Variants in SLC7A6OS observed in about 807,000 individuals in gnomAD.
The protein encoded by SLC7A6OS is probable RNA polymerase II nuclear localization protein SLC7A6OS.
A neutral mutation model predicts 34.3 loss-of-function variants in SLC7A6OS; 22 were observed. The observed-to-expected ratio is 0.64, with a 90% CI of 0.46 to 0.92. The LOEUF is 0.92. Ranked by LOEUF, SLC7A6OS falls within the 40% of genes least tolerant of loss-of-function variation. SLC7A6OS has a pLI of 0.00. For missense variants in SLC7A6OS, 434 were observed against 407.7 expected, an observed-to-expected ratio of 1.06 and a Z score of -0.56; for synonymous variants, 199 against 165.0, an observed-to-expected ratio of 1.21 and a Z score of -1.58.
rs757744796 is a variant in SLC7A6OS at position 68,310,324 on chromosome 16, G to A, written c.471+11C>T. On this transcript the variant is annotated intron_variant, in intron 2 of 4. Coordinates refer to ENST00000263997, the MANE Select transcript of SLC7A6OS (RefSeq NM_032178.3). ...GAGAAGCCCAGCGACCACCTTCAGG[G>A]GCATACTCACTTTGCAGGAGCCTGC... The A allele has an allele frequency of 1.3e-6, 2 of 1,586,582 alleles. No homozygotes were observed. Among genetic ancestry groups the A allele is most frequent in the Non-Finnish European group, 1.7e-6 (2 of 1,162,550 alleles).
At chr16:68,308,393 C>A (rs1004046054) in intron 2 of SLC7A6OS, among the ~76,000 whole-genome samples, 1 of 146,582 alleles carries the variant, frequency 6.8e-6, no homozygotes, top group African/African-American at 2.5e-5. Context: ...TTTGGGAGGC[C>A]GATGCGGGTG....
rs2043264273 is a variant in SLC7A6OS at position 68,301,110 on chromosome 16, A to G, written c.*165T>C. ...TAAGTGGAAAAGACTCACTCCCCTA[A>G]CATAAGTTTTCACTGTGGTGGGATG... On this transcript the variant is annotated 3_prime_UTR_variant, in exon 5 of 5. Transcript: ENST00000263997. 1.5e-6 allele frequency: 2 copies of G among 1,354,442 alleles called. No homozygotes were observed. The highest frequency in any genetic ancestry group is 1.9e-6 in the Non-Finnish European group (2 of 1,050,210). The allele number at this position is 1,354,442 out of a possible 1,614,324, so 83.9% of individuals were successfully genotyped here.
In SLC7A6OS at chr16:68,298,633, TGGA is replaced by T. The variant is rs1189404611; in HGVS notation, c.*2639_*2641del. ...TGTGGGGACTTCTGTTTTCTCCCTG[TGGA>T]GATCAGTGAAGACTGGGAGGAAAGC... is the stretch of plus-strand genomic sequence containing the variant. On this transcript the variant is annotated 3_prime_UTR_variant, in exon 5 of 5. Coordinates refer to ENST00000263997, the MANE Select transcript of SLC7A6OS (RefSeq NM_032178.3). The T allele has an allele frequency of 6.6e-6, 1 of 152,178 alleles. No homozygotes were observed. Among genetic ancestry groups the T allele is most frequent in the African/African-American group, 2.4e-5 (1 of 41,406 alleles). The allele number at this position is 152,178 out of a possible 1,614,324, so 9.4% of individuals were successfully genotyped here.
Position 68,299,988 on chromosome 16 carries a change from T to C in SLC7A6OS, c.*1287A>G, listed in dbSNP as rs960735798. 1 of 152,144 alleles carries C rather than the reference T, an allele frequency of 6.6e-6. No individual in the cohort carries two copies. The highest frequency in any genetic ancestry group is 2.4e-5 in the African/African-American group (1 of 41,398). 9.4% of individuals were successfully genotyped at this position (152,144 alleles called of 1,614,324 possible). A position where few individuals can be genotyped will look rare whatever the true frequency, so the allele number is the denominator to read the frequency against. On this transcript the variant is annotated 3_prime_UTR_variant, in exon 5 of 5. Coordinates refer to ENST00000263997, the MANE Select transcript of SLC7A6OS (RefSeq NM_032178.3). Reference sequence around the variant, plus strand: ...GCAGGTAGGATGAAGGAGAGATACTTAGGAAATCCTAAAAGAGGCGGCAAG... The same window carrying C: ...GCAGGTAGGATGAAGGAGAGATACTCAGGAAATCCTAAAAGAGGCGGCAAG...
intron 3 of SLC7A6OS, 112 bp downstream of exon 3, chr16:68,303,913 GA>G: frequency 1.0e-6 from 1 of 956,090 alleles, no homozygotes; most frequent in South Asian, 1.6e-5. Context: ...TTTTCAGGAG[GA>G]AAAGAACTAA....
intron 4 of SLC7A6OS, chr16:68,302,023 TG>T (rs2043284876): frequency 4.9e-6 from 1 of 202,116 alleles, no homozygotes; most frequent in African/African-American, 2.3e-5. Context: ...GTTTCTTGAC[TG>T]GGGCAGGGGA....
In SLC7A6OS at chr16:68,301,423, G is replaced by A. The variant is rs771854958; in HGVS notation, c.800-18C>T. 1 of 1,608,750 alleles carries A rather than the reference G, an allele frequency of 6.2e-7. No individual in the cohort carries two copies. The highest frequency in any genetic ancestry group is 1.7e-5 in the Admixed American group (1 of 59,684). ...AGCAGAGCCTAGAATGACATCCCGG[G>A]AGTGGATTCTAAATGTGATTTTCCT... On this transcript the variant is annotated intron_variant, in intron 4 of 4. Transcript: ENST00000263997.
At position 68,310,827 on chromosome 16, in the gene SLC7A6OS, C is replaced by T; in HGVS notation, c.100G>A (p.Ala34Thr). The T allele has an allele frequency of 1.9e-6, 3 of 1,613,722 alleles. No individual in the cohort carries two copies. The highest frequency in any genetic ancestry group is 2.5e-6 in the Non-Finnish European group (3 of 1,179,950). The change falls in exon 1 of 5, where the codon GCG (alanine) becomes ACG (threonine). Residue 34 changes from alanine to threonine, a missense_variant. By Grantham distance (58) the Ala-to-Thr change is moderately conservative (BLOSUM62 0). Transcript: ENST00000263997. Reference protein sequence around the residue: ...VLACKRLRSDAVESAAQKTSE... With the variant: ...VLACKRLRSDTVESAAQKTSE... Reference sequence around the variant, plus strand: ...GTCTTCTGTGCCGCTGACTCGACCGCGTCGCTCCGGAGGCGTTTACAAGCG... The same window carrying T: ...GTCTTCTGTGCCGCTGACTCGACCGTGTCGCTCCGGAGGCGTTTACAAGCG...
rs1044833319 is a variant in SLC7A6OS, at chr16:68,298,681, C to T, written c.*2594G>A. The T allele has an allele frequency of 6.6e-6, 1 of 152,320 alleles. No homozygotes were observed. Among genetic ancestry groups the T allele is most frequent in the Non-Finnish European group, 1.5e-5 (1 of 68,112 alleles). The allele number at this position is 152,320 out of a possible 1,614,324, so 9.4% of individuals were successfully genotyped here. ...GAAAGCTGCTTCAACCTGAGTCCGG[C>T]TCTTCAGCAGGCTGCACAAGTGGAA... On this transcript the variant is annotated 3_prime_UTR_variant, in exon 5 of 5. Transcript: ENST00000263997.
chr16:68,304,370 G>A, intron 2 of SLC7A6OS, 138 bp from the exon 3 acceptor site: 3 of 724,812 alleles, frequency 4.1e-6, no homozygotes, highest in South Asian at 3.4e-5. Flanking sequence ...GCCCAGGCTG[G>A]AGTGCAGTGG....
Position 68,310,871 on chromosome 16 carries a change from G to T in SLC7A6OS, c.56C>A (p.Pro19Gln). Residue 19 changes from proline (P) to glutamine (Q), a missense_variant, in exon 1 of 5, where the codon CCG becomes CAG. Physicochemically the swap from Pro to Gln is moderately conservative, Grantham distance 76. Transcript: ENST00000263997. The part of the protein sequence containing the change: ...LRVKRKRSAE[P>Q]AEALVLACKR... ...ACAAGCGAGCACAAGAGCCTCCGCC[G>T]GCTCCGCACTGCGCTTCCGCTTCAC... is the stretch of plus-strand genomic sequence containing the variant. 1 of 1,609,934 alleles carries T rather than the reference G, an allele frequency of 6.2e-7. No homozygotes were observed. The highest frequency in any genetic ancestry group is 8.5e-7 in the Non-Finnish European group (1 of 1,178,934).
rs1338576033 is a variant in SLC7A6OS at position 68,301,301 on chromosome 16, T to C, written c.904A>G (p.Ser302Gly). Reference protein sequence around the residue: ...LDVQKEFGYDSPHDLDSD With the variant: ...LDVQKEFGYDGPHDLDSD ...CAGTCTGAATCCAGGTCGTGGGGGCTGTCATAGCCGAACTCCTTCTGCACA... is the reference window on the plus strand; with the variant it reads ...CAGTCTGAATCCAGGTCGTGGGGGCCGTCATAGCCGAACTCCTTCTGCACA... Residue 302 changes from serine (S) to glycine (G), a missense_variant, in exon 5 of 5, where the codon AGC (serine) becomes GGC (glycine). Transcript: ENST00000263997. 28 of 1,614,110 alleles carry C rather than the reference T, an allele frequency of 1.7e-5. 1 individual carries two copies. In the Middle Eastern group the frequency reaches 1.2e-3, roughly 67 times the overall value.
At chr16:68,301,754 AAAG>A (rs1463530253) in intron 4 of SLC7A6OS, 1 of 168,990 alleles carries the variant, frequency 5.9e-6, no homozygotes, top group Non-Finnish European at 1.2e-5. Flanking sequence ...AACCTCCCCA[AAAG>A]AATATGCAAT....
At chr16:68,304,372 G>A (rs897523692) in intron 2 of SLC7A6OS, 140 bp from the exon 3 acceptor site, 14 of 704,692 alleles carry the variant, frequency 2.0e-5, no homozygotes, top group Non-Finnish European at 9.6e-6. Context: ...CCAGGCTGGA[G>A]TGCAGTGGCG....
rs749460433 is a variant in SLC7A6OS, at chr16:68,310,343, A to G, written c.463T>C (p.Ser155Pro). ...TTCAGGGGCATACTCACTTTGCAGG[A>G]GCCTGCAGAGGCGGCTTCAGGTTCT... The part of the protein sequence containing the change: ...EGEPEAASAG[S>P]CKTSDPDVIL... The change falls in exon 2 of 5, where the codon TCC (serine) becomes CCC (proline). Residue 155 changes from serine to proline, a missense_variant. Ser to Pro is a moderately conservative substitution (Grantham distance 74). Transcript: ENST00000263997. 1.9e-6 allele frequency: 3 copies of G among 1,602,710 alleles called. No homozygotes were observed. The East Asian group carries it at 6.7e-5, about 36-fold the overall frequency.
At chr16:68,310,669 G>A in intron 1 of SLC7A6OS, 56 bp from the exon 2 acceptor site, 2 of 1,581,218 alleles carry the variant, frequency 1.3e-6, no homozygotes, top group Non-Finnish European at 1.7e-6. Context: ...GAGCGGGTCA[G>A]GGATCGGGTT....
intron 4 of SLC7A6OS, 110 bp from the exon 5 acceptor site, chr16:68,301,515 T>A: frequency 3.6e-6 from 3 of 831,544 alleles, no homozygotes; most frequent in Non-Finnish European, 5.4e-6. Context: ...TAATGCAAAA[T>A]CCTTGCTCAA....
chr16:68,303,491 G>T (rs1354483401), intron 3 of SLC7A6OS, among the ~76,000 whole-genome samples: 1 of 151,322 alleles, frequency 6.6e-6, no homozygotes, highest in Non-Finnish European at 1.5e-5. Flanking sequence ...GCTGAGATAG[G>T]AGGATTGCTT....
chr16:68,306,013 C>T (rs1304911776), intron 2 of SLC7A6OS, among the ~76,000 whole-genome samples: 1 of 152,056 alleles, frequency 6.6e-6, no homozygotes, highest in Admixed American at 6.5e-5. Context: ...CGTGATCATG[C>T]CACTGCACTC....
Sources: allele counts gnomAD v4.1 joint callset (sites outside exome capture counted in the v4.1 genomes callset), GRCh38; gene constraint gnomAD v4.1.1; transcripts MANE v1.5; gene names NCBI Gene and HGNC (gene_info 2026-07-23, HGNC 2026-07-21).